The following CHRNA2 variants were observed in gnomAD, a reference collection of about 807,000 sequenced individuals.
CHRNA2 encodes cholinergic receptor nicotinic alpha 2 subunit.
Under a neutral mutation model 45.5 loss-of-function variants are expected in CHRNA2, and 40 were observed. The ratio of observed to expected loss-of-function variants is 0.88; its 90% CI spans 0.68 to 1.15. CHRNA2 has a LOEUF of 1.15. CHRNA2 is among the 50% of genes most tolerant of loss of function. The probability of loss-of-function intolerance (pLI) is 0.00; values close to 1 mark genes in which losing one functional copy is unlikely to be tolerated. For missense variants in CHRNA2, 655 were observed against 701.7 expected (o/e 0.93, Z 0.75); for synonymous variants, 301 against 296.7 (o/e 1.01, Z -0.15).
rs775592017 is a variant in CHRNA2, at chr8:27,463,478, G to A, written c.965C>T (p.Ser322Leu). The A allele has an allele frequency of 3.7e-6, 6 of 1,614,210 alleles. No homozygotes were observed. Among genetic ancestry groups the A allele is most frequent in the Admixed American group, 1.7e-5 (1 of 60,024 alleles). The change falls in exon 6 of 7, where the codon TCG (serine) becomes TTG (leucine). Residue 322 changes from serine (S) to leucine (L), a missense_variant. By Grantham distance (145) the Ser-to-Leu change is moderately radical. Around this residue, in one of 3 missense-constraint regions of CHRNA2, gnomAD observed 295 missense variants for 280.4 expected, o/e 1.05. Coordinates refer to ENST00000407991, the MANE Select transcript of CHRNA2 (RefSeq NM_000742.4). This position sits in a 1 kb window ranked among gnomAD's most constrained non-coding sequence, Gnocchi z 6.1. ...CTCGCCGATGAGCGGGATGACCAGC[G>A]AGGTGGACGGGATGATCTCAGTGAT... is the stretch of plus-strand genomic sequence containing the variant. The part of the protein sequence containing the change: ...LLITEIIPST[S>L]LVIPLIGEYL...
intron 6 of CHRNA2, 62 bp downstream of exon 6, chr8:27,462,917 G>A: frequency 6.2e-7 from 1 of 1,606,114 alleles, no homozygotes; most frequent in Middle Eastern, 1.7e-4. Context: ...TCTGCGGTAA[G>A]GTGGTTCCCC....
rs746835048 is a variant in CHRNA2 at position 27,471,043 on chromosome 8, G to A, written c.16C>T (p.Pro6Ser). Reference sequence around the variant, plus strand: ...AGCTTTGTGAAGGACAGGAACACAGGACAGGAGGGGCCCATGGCTTCTCCT... The same window carrying A: ...AGCTTTGTGAAGGACAGGAACACAGAACAGGAGGGGCCCATGGCTTCTCCT... MGPSC[P>S]VFLSFTKLSL... The change falls in exon 2 of 7, where the codon CCT (proline) becomes TCT (serine). Residue 6 changes from proline to serine, a missense_variant. Pro to Ser is a moderately conservative substitution (Grantham distance 74). This residue lies in a region of CHRNA2 where 323 missense variants were observed against 354.4 expected (regional missense o/e 0.91). Transcript: ENST00000407991. 4 of 1,614,124 alleles carry A rather than the reference G, an allele frequency of 2.5e-6. No homozygotes were observed. In the South Asian group the frequency reaches 4.4e-5, roughly 18 times the overall value.
At chr8:27,474,342 C>G (rs888442329) in intron 1 of CHRNA2, among the ~76,000 whole-genome samples, 1 of 152,172 alleles carries the variant, frequency 6.6e-6, no homozygotes, top group African/African-American at 2.4e-5. Context: ...AATTCAAAGA[C>G]TTGTTGAAAA....
At chr8:27,466,346 G>A (rs549163310) in intron 5 of CHRNA2, among the ~76,000 whole-genome samples, 1 of 152,254 alleles carries the variant, frequency 6.6e-6, no homozygotes, top group South Asian at 2.1e-4. Context: ...AATGAATTGG[G>A]AAATGCTGGG....
rs1198281648 is a variant in CHRNA2 at position 27,471,005 on chromosome 8, C to T, written c.54G>A (p.Trp18Ter). Residue 18 changes from tryptophan to a stop codon, truncating the protein, a stop_gained, in exon 2 of 7, where the codon TGG (tryptophan) becomes TGA (stop). Coordinates refer to ENST00000407991, the MANE Select transcript of CHRNA2 (RefSeq NM_000742.4). LOFTEE classifies it high-confidence loss of function. ...FLSFTKLSLW[W>*]LLLTPAGGEE... ...ACTCACCTGCTGGGGTCAGAAGGAGCCACCACAGGCTGAGCTTTGTGAAGG... is the reference window on the plus strand; with the variant it reads ...ACTCACCTGCTGGGGTCAGAAGGAGTCACCACAGGCTGAGCTTTGTGAAGG... The T allele has an allele frequency of 6.2e-7, 1 of 1,614,050 alleles. No individual in the cohort carries two copies. Among genetic ancestry groups the T allele is most frequent in the Non-Finnish European group, 8.5e-7 (1 of 1,179,952 alleles).
At chr8:27,472,053 T>G (rs1185096812) in intron 1 of CHRNA2, among the ~76,000 whole-genome samples, 1 of 152,214 alleles carries the variant, frequency 6.6e-6, no homozygotes, top group East Asian at 1.9e-4. Context: ...GGACAGGTTT[T>G]GAAGAGCTTC....
chr8:27,472,879 C>A (rs1386706323), intron 1 of CHRNA2, among the ~76,000 whole-genome samples: 2 of 152,116 alleles, frequency 1.3e-5, no homozygotes, highest in Non-Finnish European at 2.9e-5. Flanking sequence ...GCAGCTACCC[C>A]TCTTGACTGT....
intron 5 of CHRNA2, among the ~76,000 whole-genome samples, chr8:27,466,158 T>C (rs1263157656): frequency 6.6e-6 from 1 of 151,772 alleles, no homozygotes; most frequent in Non-Finnish European, 1.5e-5. Flanking sequence ...GCGGCCAGTG[T>C]AAGAACCCAG....
chr8:27,471,348 G>A, intron 1 of CHRNA2, 154 bp from the exon 2 acceptor site: 1 of 390,274 alleles, frequency 2.6e-6, no homozygotes, highest in Non-Finnish European at 4.9e-6. Flanking sequence ...CTGGCTTATT[G>A]AGGAATCAGC....
chr8:27,474,116 G>C (rs1029788478), intron 1 of CHRNA2, among the ~76,000 whole-genome samples: 31 of 152,322 alleles, frequency 2.0e-4, no homozygotes, highest in African/African-American at 7.5e-4. Context: ...CAGAGGGCTG[G>C]TCAGGGAACA....
intron 1 of CHRNA2, among the ~76,000 whole-genome samples, chr8:27,478,262 G>C (rs1309718182): frequency 6.6e-6 from 1 of 152,200 alleles, no homozygotes; most frequent in East Asian, 1.9e-4. Flanking sequence ...TTAGGGGCTA[G>C]AGAGTGTAAT....
chr8:27,476,187 C>T (rs1229127492), intron 1 of CHRNA2, among the ~76,000 whole-genome samples: 1 of 152,122 alleles, frequency 6.6e-6, no homozygotes, highest in Non-Finnish European at 1.5e-5. Context: ...TCATCAGGGC[C>T]AACAGTGTGC....
chr8:27,470,597 G>A (rs1812850248), intron 2 of CHRNA2, among the ~76,000 whole-genome samples: 1 of 152,212 alleles, frequency 6.6e-6, no homozygotes, highest in South Asian at 2.1e-4. Context: ...GTCCGAGCGA[G>A]TCGAGAACTA....
At chr8:27,478,172 C>A (rs1346681153) in intron 1 of CHRNA2, among the ~76,000 whole-genome samples, 3 of 152,226 alleles carry the variant, frequency 2.0e-5, no homozygotes, top group Non-Finnish European at 4.4e-5. Context: ...TCACAACTGG[C>A]AACATTACAC....
In CHRNA2 at chr8:27,469,724, C is replaced by G. The variant is rs765040068; in HGVS notation, c.294+37G>C. The G allele has an allele frequency of 1.3e-5, 21 of 1,611,678 alleles. No homozygotes were observed. In the East Asian group the frequency reaches 4.5e-4, roughly 34 times the overall value. On this transcript the variant is annotated intron_variant, in intron 3 of 6. Transcript: ENST00000407991. The stretch of plus-strand genomic sequence containing the variant: ...GGGAAAGCGGTGGGTGGTCTGGGAT[C>G]TCCTTCCTCGGGCCAGCGGTGGGAA...
rs1813148090 is a variant in CHRNA2, at chr8:27,479,085, G to T, written c.-398C>A. ...CTGCAGAGAGGTGGGTTTTCCTGGG[G>T]CTGTCCAGCTCTGGCAGCCAGAACG... On this transcript the variant is annotated 5_prime_UTR_variant, in exon 1 of 7. Transcript: ENST00000407991. 6.6e-6 allele frequency: 1 copy of T among 152,170 alleles called. No homozygotes were observed. The allele number at this position is 152,170 out of a possible 1,614,324, so 9.4% of individuals were successfully genotyped here.
rs774842184 is a variant in CHRNA2 at position 27,470,983 on chromosome 8, C to T, written c.73+3G>A. ...CTTACAATGACAGGTGACAAACACT[C>T]ACCTGCTGGGGTCAGAAGGAGCCAC... On this transcript the variant is annotated splice_donor_region_variant and intron_variant, in intron 2 of 6. Transcript: ENST00000407991. 5.0e-6 allele frequency: 8 copies of T among 1,613,928 alleles called. No homozygotes were observed. The highest frequency in any genetic ancestry group is 6.8e-6 in the Non-Finnish European group (8 of 1,179,930).
intron 5 of CHRNA2, among the ~76,000 whole-genome samples, chr8:27,464,842 G>C (rs1010286682): frequency 1.3e-5 from 2 of 152,110 alleles, no homozygotes; most frequent in Admixed American, 1.3e-4. Context: ...TGCAGAAGAG[G>C]AATATGAGAA....
intron 4 of CHRNA2, 152 bp from the exon 5 acceptor site, chr8:27,467,490 C>T (rs1316729145): frequency 2.9e-5 from 18 of 630,010 alleles, no homozygotes; most frequent in South Asian, 2.6e-4. Flanking sequence ...GAGGGAGCTG[C>T]GGTGCTGGGA....
Sources: gnomAD v4.1 joint callset for allele counts (sites outside exome capture counted in the v4.1 genomes callset) on GRCh38, gnomAD v4.1.1 for gene constraint, gnomAD v4.1.1 regional missense constraint, Gnocchi (gnomAD v3.1) non-coding constraint, MANE v1.5 for transcripts, NCBI Gene and HGNC (gene_info 2026-07-23, HGNC 2026-07-21) for gene names.